The following MINDY3 variants were observed in gnomAD, a reference collection of about 807,000 sequenced individuals.
MINDY3 encodes the protein ubiquitin carboxyl-terminal hydrolase MINDY-3.
MINDY3 carries 38 observed loss-of-function variants against 69.2 expected under a neutral mutation model. That is an observed-to-expected ratio of 0.55 (90% CI 0.42 to 0.72). MINDY3 has a LOEUF of 0.72. Among genes scored for constraint, MINDY3 ranks in the 30% least tolerant of loss-of-function variants. The probability of loss-of-function intolerance (pLI) is 0.00; values close to 1 mark genes in which losing one functional copy is unlikely to be tolerated. For synonymous variants in MINDY3, 192 were observed against 180.1 expected, an observed-to-expected ratio of 1.07 and a Z score of -0.53; for missense variants, 522 against 519.0, an observed-to-expected ratio of 1.01 and a Z score of -0.06.
At chr10:15,804,022 T>C (rs1478974882) in intron 10 of MINDY3, among the ~76,000 whole-genome samples, 2 of 152,170 alleles carry the variant, frequency 1.3e-5, no homozygotes, top group African/African-American at 4.8e-5. Flanking sequence ...AACGATTACA[T>C]ACTGTTTTAG....
chr10:15,786,681 C>T (rs770573249), intron 12 of MINDY3, 33 bp from the exon 13 acceptor site: 5 of 1,252,764 alleles, frequency 4.0e-6, no homozygotes, highest in East Asian at 2.3e-5. Context: ...CAGTGGATAC[C>T]AGAGGAAAAA....
Position 15,797,856 on chromosome 10 carries a change from G to A in MINDY3, c.883-1684C>T, listed in dbSNP as rs139874549. Among the ~76,000 whole-genome samples, 566 of 152,170 alleles carry A rather than the reference G, an allele frequency of 3.7e-3. 6 individuals are homozygous for A. The highest frequency in any genetic ancestry group is 0.012 in the African/African-American group (498 of 41,540). Reference sequence around the variant, plus strand: ...TTATCACTCCCAAACCTTAGTTGCAGATTTCTACATTTATTCTAGTATAAG... The same window carrying A: ...TTATCACTCCCAAACCTTAGTTGCAAATTTCTACATTTATTCTAGTATAAG... On this transcript the variant is annotated intron_variant, in intron 10 of 14. Coordinates refer to ENST00000277632, the MANE Select transcript of MINDY3 (RefSeq NM_024948.4).
intron 8 of MINDY3, among the ~76,000 whole-genome samples, chr10:15,822,789 G>T (rs1839856976): frequency 6.6e-6 from 1 of 152,120 alleles, no homozygotes. Flanking sequence ...GAGAGTTAAA[G>T]TTATGGAAGT....
At chr10:15,857,453 T>C (rs993028039) in intron 1 of MINDY3, among the ~76,000 whole-genome samples, 2 of 152,152 alleles carry the variant, frequency 1.3e-5, no homozygotes, top group African/African-American at 4.8e-5. Flanking sequence ...GACTCTCAAC[T>C]GTAAGAGCTT....
chr10:15,796,295 C>T, intron 10 of MINDY3, 123 bp from the exon 11 acceptor site: 1 of 737,060 alleles, frequency 1.4e-6, no homozygotes, highest in Non-Finnish European at 2.4e-6. Flanking sequence ...ACATTTGTAT[C>T]ATAGATGTGT....
chr10:15,815,612 C>T (rs1839300720), intron 10 of MINDY3, among the ~76,000 whole-genome samples: 1 of 152,136 alleles, frequency 6.6e-6, no homozygotes, highest in Non-Finnish European at 1.5e-5. Context: ...AGCAACCTAT[C>T]AAGTTACCTA....
At chr10:15,802,628 T>C (rs1280275069) in intron 10 of MINDY3, among the ~76,000 whole-genome samples, 1 of 152,090 alleles carries the variant, frequency 6.6e-6, no homozygotes, top group Non-Finnish European at 1.5e-5. Flanking sequence ...AAGTTAAGTG[T>C]AAAACAAGTA....
intron 6 of MINDY3, 60 bp from the exon 7 acceptor site, chr10:15,834,676 T>C: frequency 1.7e-6 from 2 of 1,160,476 alleles, no homozygotes; most frequent in Non-Finnish European, 2.6e-6. Context: ...TATGACTGTT[T>C]AAAAACTGAC....
intron 1 of MINDY3, among the ~76,000 whole-genome samples, chr10:15,848,633 CAAAAAAAAAAAAAAAAAAA>C (rs10719399): frequency 8.2e-5 from 4 of 48,792 alleles, no homozygotes; most frequent in Admixed American, 3.4e-4. Flanking sequence ...GACTTCATCT[CAAAAAAAAAAAAAAAAAAA>C]AAAAAAAAAA....
intron 10 of MINDY3, among the ~76,000 whole-genome samples, chr10:15,811,686 A>G (rs1438915070): frequency 6.6e-6 from 1 of 152,170 alleles, no homozygotes; most frequent in East Asian, 1.9e-4. Flanking sequence ...TATAGTTAAC[A>G]TTACTCATAA....
At chr10:15,795,705 T>C (rs1837765220) in intron 11 of MINDY3, among the ~76,000 whole-genome samples, 1 of 152,078 alleles carries the variant, frequency 6.6e-6, no homozygotes, top group Admixed American at 6.6e-5. Context: ...CAGATGATCT[T>C]CCTCTGCTTC....
chr10:15,782,867 T>C (rs1283256127), intron 13 of MINDY3, among the ~76,000 whole-genome samples: 2 of 152,200 alleles, frequency 1.3e-5, no homozygotes, highest in Admixed American at 1.3e-4. Context: ...GGTCATGTTA[T>C]TCCCACTATC....
At chr10:15,799,729 G>T (rs1028646679) in intron 10 of MINDY3, among the ~76,000 whole-genome samples, 10 of 152,062 alleles carry the variant, frequency 6.6e-5, no homozygotes, top group Non-Finnish European at 1.5e-5. Flanking sequence ...CAGAAAAGGA[G>T]GACTTAGGAA....
At chr10:15,814,769 G>T (rs1292523240) in intron 10 of MINDY3, among the ~76,000 whole-genome samples, 1 of 152,082 alleles carries the variant, frequency 6.6e-6, no homozygotes, top group African/African-American at 2.4e-5. Context: ...CACAATGGGC[G>T]AGTGCTATGG....
chr10:15,816,705 G>A (rs1369510612), intron 10 of MINDY3, 130 bp downstream of exon 10: 5 of 667,348 alleles, frequency 7.5e-6, no homozygotes, highest in Middle Eastern at 3.1e-4. Context: ...ATTAGTTTTT[G>A]AGATTTTTGA....
rs1355368550 is a variant in MINDY3, at chr10:15,837,473, C to T, written c.462-155G>A. The T allele has an allele frequency of 2.2e-6, 3 of 1,385,380 alleles. No individual in the cohort carries two copies. In the African/African-American group the frequency reaches 4.4e-5, roughly 20 times the overall value. The allele number at this position is 1,385,380 out of a possible 1,614,324, so 85.8% of individuals were successfully genotyped here. On this transcript the variant is annotated intron_variant, in intron 5 of 14. Transcript: ENST00000277632. ...AAATTTTTCATTACAAATTTAGCCA[C>T]TAAAACCAAAAGCTATTTCTGACAA...
At chr10:15,800,962 A>G (rs1838215781) in intron 10 of MINDY3, among the ~76,000 whole-genome samples, 2 of 152,318 alleles carry the variant, frequency 1.3e-5, no homozygotes, top group South Asian at 4.1e-4. Flanking sequence ...AAACAAAAGT[A>G]AAGGAGCTAA....
At chr10:15,785,047 A>G (rs1269343887) in intron 13 of MINDY3, among the ~76,000 whole-genome samples, 2 of 152,124 alleles carry the variant, frequency 1.3e-5, no homozygotes, top group Non-Finnish European at 2.9e-5. Context: ...ACCCACCCTT[A>G]AAGTCTCTGC....
intron 1 of MINDY3, 126 bp downstream of exon 1, chr10:15,860,080 G>T (rs1039652066): frequency 1.4e-6 from 1 of 718,522 alleles, no homozygotes; most frequent in African/African-American, 1.8e-5. Context: ...TCCAGCTTCA[G>T]CGCTGAGCAC....
Sources: allele counts gnomAD v4.1 joint callset (sites outside exome capture counted in the v4.1 genomes callset), GRCh38; gene constraint gnomAD v4.1.1; transcripts MANE v1.5; gene names NCBI Gene and HGNC (gene_info 2026-07-23, HGNC 2026-07-21).